ACD: variants seen among roughly 807,000 people sequenced by gnomAD.
The protein encoded by ACD is adrenocortical dysplasia protein homolog.
ACD carries 39 observed loss-of-function variants against 53.9 expected under a neutral mutation model. The ratio of observed to expected loss-of-function variants is 0.72; its 90% CI spans 0.56 to 0.95. The LOEUF (loss-of-function observed/expected upper bound fraction) is 0.95. Ranked by LOEUF, ACD falls within the 40% of genes least tolerant of loss-of-function variation. ACD has a pLI of 0.00. For missense variants in ACD, 526 were observed against 587.9 expected (o/e 0.89, Z 1.09); for synonymous variants, 273 against 249.2 (o/e 1.10, Z -0.90).
chr16:67,658,843 G>A lies in ACD; in HGVS notation c.646-27C>T, dbSNP rs111965137. 77 of 1,603,254 alleles carry A rather than the reference G, an allele frequency of 4.8e-5. 1 individual carries two copies. In the African/African-American group the frequency reaches 6.5e-4, roughly 14 times the overall value. ...TGTGGGACATGAACTCTGTAGGACA[G>A]GCCCGTTTACTCTCATGTCCTGTGG... On this transcript the variant is annotated intron_variant, in intron 7 of 11. Transcript: ENST00000620761.
At position 67,658,765 on chromosome 16, in the gene ACD, C is replaced by A. The variant is rs1441001313; in HGVS notation, c.697G>T (p.Asp233Tyr). 4 of 1,613,384 alleles carry A rather than the reference C, an allele frequency of 2.5e-6. No individual in the cohort carries two copies. Among genetic ancestry groups the A allele is most frequent in the African/African-American group, 2.7e-5 (2 of 74,910 alleles). Reference sequence around the variant, plus strand: ...CCTAGAGAGCTCAGAATTAGCTGGTCATTCTCAGAGATGCACAGCATTGAG... The same window carrying A: ...CCTAGAGAGCTCAGAATTAGCTGGTAATTCTCAGAGATGCACAGCATTGAG... ...PSSMLCISEN[D>Y]QLILSSLGPC... Residue 233 changes from aspartate (D) to tyrosine (Y), a missense_variant, in exon 8 of 12, where the codon GAC (aspartate) becomes TAC (tyrosine). Coordinates refer to ENST00000620761, the MANE Select transcript of ACD (RefSeq NM_001082486.2).
Position 67,658,677 on chromosome 16 carries a change from C to T in ACD, c.743-36G>A, listed in dbSNP as rs2052928476. ...CAGGAAGTCTTATCAGCACTGTGGA[C>T]CTGGGCCCCAGGTATCCCCCCAACC... is the stretch of plus-strand genomic sequence containing the variant. On this transcript the variant is annotated intron_variant, in intron 8 of 11. Transcript: ENST00000620761. 5.7e-6 allele frequency: 9 copies of T among 1,592,108 alleles called. No individual in the cohort carries two copies. In the East Asian group the frequency reaches 9.0e-5, roughly 16 times the overall value.
At chr16:67,658,534 G>A (rs1331231192) in intron 9 of ACD, 21 bp downstream of exon 9, 8 of 1,569,344 alleles carry the variant, frequency 5.1e-6, no homozygotes, top group Admixed American at 1.8e-5. Flanking sequence ...GTGAGTGCCT[G>A]TGACCTGTGC....
In ACD at chr16:67,658,126, TG is replaced by T. The variant is rs1456853621; in HGVS notation, c.1065del (p.Ser356ValfsTer7). 1 of 1,596,742 alleles carries T rather than the reference TG, an allele frequency of 6.3e-7. No individual in the cohort carries two copies. Among genetic ancestry groups the T allele is most frequent in the Admixed American group, 1.7e-5 (1 of 58,402 alleles). ...CTGGTCACAAGAGCCTGGTGTGGACTGGGGACATGGCTACGGGGTGAGAGAC... is the reference window on the plus strand; with the variant it reads ...CTGGTCACAAGAGCCTGGTGTGGACTGGGACATGGCTACGGGGTGAGAGAC... ...TPSLSPRSHVPSPHQALVTRP... is the reference protein window; with the variant it reads ...TPSLSPRSHVXSPHQALVTRP... On this transcript the variant is annotated frameshift_variant, in exon 10 of 12. Coordinates refer to ENST00000620761, the MANE Select transcript of ACD (RefSeq NM_001082486.2). LOFTEE classifies it high-confidence loss of function.
intron 9 of ACD, 90 bp downstream of exon 9, chr16:67,658,465 C>T: frequency 1.3e-6 from 2 of 1,596,192 alleles, no homozygotes; most frequent in Non-Finnish European, 1.7e-6. Context: ...TCATCCCCCA[C>T]CCACCGTGCA....
chr16:67,660,251 G>C lies in ACD; in HGVS notation c.-31C>G, dbSNP rs775903443. ...CGGCTACACCCAGCGGATGCAACGG[G>C]CCCGGGTTTCCCGCGGGCGCCCAGG... On this transcript the variant is annotated 5_prime_UTR_variant, in exon 1 of 12. Coordinates refer to ENST00000620761, the MANE Select transcript of ACD (RefSeq NM_001082486.2). 2 of 1,612,374 alleles carry C rather than the reference G, an allele frequency of 1.2e-6. No homozygotes were observed. The highest frequency in any genetic ancestry group is 1.3e-5 in the African/African-American group (1 of 74,932).
intron 8 of ACD, 26 bp downstream of exon 8, chr16:67,658,694 C>T (rs1254728209): frequency 1.3e-5 from 20 of 1,597,900 alleles, no homozygotes; most frequent in African/African-American, 2.7e-5. Context: ...CCCAGGTATC[C>T]CCCCAACCTC....
chr16:67,659,015 C>T lies in ACD; in HGVS notation c.558G>A (p.Val186=). ...GTGTCAGGCAGCTTTCAGCCAGGCA[C>T]ACGAGTGCCCCCTGATGCTCCTGGT... ...REDQEHQGAL[V]CLAESCLTLE... is the part of the protein sequence containing the mutation. The change falls in exon 7 of 12, where the codon GTG becomes GTA. Residue 186 remains valine (V), a synonymous_variant. Coordinates refer to ENST00000620761, the MANE Select transcript of ACD (RefSeq NM_001082486.2). 2 of 1,613,934 alleles carry T rather than the reference C, an allele frequency of 1.2e-6. No homozygotes were observed. Among genetic ancestry groups the T allele is most frequent in the Admixed American group, 1.7e-5 (1 of 60,028 alleles).
Position 67,657,929 on chromosome 16 carries a change from A to C in ACD, c.1206+57T>G. 3 of 1,608,974 alleles carry C rather than the reference A, an allele frequency of 1.9e-6. No homozygotes were observed. Among genetic ancestry groups the C allele is most frequent in the Non-Finnish European group, 2.5e-6 (3 of 1,176,866 alleles). ...TCCAAGGCTACCCATGCTCCCTCCC[A>C]GCTCTACCTCAGGCCTTCCTTGTTC... On this transcript the variant is annotated intron_variant, in intron 10 of 11. Coordinates refer to ENST00000620761, the MANE Select transcript of ACD (RefSeq NM_001082486.2). This position sits in a 1 kb window ranked among gnomAD's most constrained non-coding sequence, Gnocchi z 4.5.
chr16:67,659,840 G>A, intron 2 of ACD, 45 bp from the exon 3 acceptor site: 1 of 1,584,356 alleles, frequency 6.3e-7, no homozygotes, highest in Non-Finnish European at 8.6e-7. Flanking sequence ...CTGAACACAA[G>A]GCCCGCCCAC....
chr16:67,658,445 G>C (rs1264711748), intron 9 of ACD, 83 bp from the exon 10 acceptor site: 3 of 1,605,602 alleles, frequency 1.9e-6, no homozygotes, highest in Non-Finnish European at 2.6e-6. Context: ...CAGGACTGCA[G>C]GGACCGTGTT....
At position 67,658,559 on chromosome 16, in the gene ACD, G is replaced by C; in HGVS notation, c.825C>G (p.Ser275=). Residue 275 remains serine, a synonymous_variant, in exon 9 of 12, where the codon TCC becomes TCG. Coordinates refer to ENST00000620761, the MANE Select transcript of ACD (RefSeq NM_001082486.2). ...GTGACCTGTGCATCACCTCACCTGA[G>C]GAACTGGGTGAGGAAGGAGGAGAGG... The part of the protein sequence containing the change: ...LIASPPSSPS[S]SGTPALPGHM... The C allele has an allele frequency of 6.4e-7, 1 of 1,565,698 alleles. No homozygotes were observed. Among genetic ancestry groups the C allele is most frequent in the Non-Finnish European group, 8.7e-7 (1 of 1,153,976 alleles).
In ACD at chr16:67,657,539, T is replaced by G. The variant is rs1369611250; in HGVS notation, c.*67A>C. On this transcript the variant is annotated 3_prime_UTR_variant, in exon 12 of 12. Coordinates refer to ENST00000620761, the MANE Select transcript of ACD (RefSeq NM_001082486.2). This position sits in a 1 kb window ranked among gnomAD's most constrained non-coding sequence, Gnocchi z 4.5. ...CCTGATCCTCTCCTCTCCTGCCGCATGAGATTATTTTATTAAAAAACTCAA... is the reference window on the plus strand; with the variant it reads ...CCTGATCCTCTCCTCTCCTGCCGCAGGAGATTATTTTATTAAAAAACTCAA... 3 of 1,613,672 alleles carry G rather than the reference T, an allele frequency of 1.9e-6. No individual in the cohort carries two copies. Among genetic ancestry groups the G allele is most frequent in the Non-Finnish European group, 2.5e-6 (3 of 1,179,742 alleles).
chr16:67,659,664 A>C, intron 3 of ACD, 38 bp downstream of exon 3: 1 of 1,612,936 alleles, frequency 6.2e-7, no homozygotes, highest in African/African-American at 1.3e-5. Context: ...ACGAAGAGTC[A>C]TGCCCGGTAA....
rs776746215 is a variant in ACD, at chr16:67,659,520, G to A, written c.413+17C>T. Reference sequence around the variant, plus strand: ...CTGGGGTGGGGAGAGCTGCTGGAGGGCGGAGGCATCACTTACCAACCAGGC... The same window carrying A: ...CTGGGGTGGGGAGAGCTGCTGGAGGACGGAGGCATCACTTACCAACCAGGC... On this transcript the variant is annotated intron_variant, in intron 4 of 11. Coordinates refer to ENST00000620761, the MANE Select transcript of ACD (RefSeq NM_001082486.2). 1.1e-5 allele frequency: 17 copies of A among 1,613,174 alleles called. No homozygotes were observed. In the South Asian group the frequency reaches 1.1e-4, roughly 10 times the overall value.
rs1020115914 is a variant in ACD, at chr16:67,658,563, C to T, written c.821G>A (p.Ser274Asn). 3.8e-6 allele frequency: 6 copies of T among 1,566,058 alleles called. No individual in the cohort carries two copies. The highest frequency in any genetic ancestry group is 5.2e-6 in the Non-Finnish European group (6 of 1,154,252). Reference sequence around the variant, plus strand: ...CCTGTGCATCACCTCACCTGAGGAACTGGGTGAGGAAGGAGGAGAGGCTAT... The same window carrying T: ...CCTGTGCATCACCTCACCTGAGGAATTGGGTGAGGAAGGAGGAGAGGCTAT... ...TLIASPPSSP[S>N]SSGTPALPGH... is the part of the protein sequence containing the mutation. Residue 274 changes from serine to asparagine, a missense_variant, in exon 9 of 12, where the codon AGT (serine) becomes AAT (asparagine). Physicochemically the swap from Ser to Asn is conservative, Grantham distance 46. Transcript: ENST00000620761.
chr16:67,659,326 A>T, intron 5 of ACD, 49 bp downstream of exon 5: 1 of 1,614,062 alleles, frequency 6.2e-7, no homozygotes, highest in Non-Finnish European at 8.5e-7. Flanking sequence ...TAGATACACC[A>T]TCCCCTCACC....
At position 67,658,547 on chromosome 16, in the gene ACD, C is replaced by T. The variant is rs2052923533; in HGVS notation, c.829+8G>A. On this transcript the variant is annotated splice_region_variant and intron_variant, in intron 9 of 11. Transcript: ENST00000620761. Reference sequence around the variant, plus strand: ...CAGTGAGTGCCTGTGACCTGTGCATCACCTCACCTGAGGAACTGGGTGAGG... The same window carrying T: ...CAGTGAGTGCCTGTGACCTGTGCATTACCTCACCTGAGGAACTGGGTGAGG... 6.4e-7 allele frequency: 1 copy of T among 1,567,088 alleles called. No individual in the cohort carries two copies.
At position 67,658,073 on chromosome 16, in the gene ACD, C is replaced by T. The variant is rs760234154; in HGVS notation, c.1119G>A (p.Lys373=). 10 of 1,563,118 alleles carry T rather than the reference C, an allele frequency of 6.4e-6. No individual in the cohort carries two copies. The Admixed American group carries it at 9.5e-5, about 15-fold the overall frequency. The change falls in exon 10 of 12, where the codon AAG becomes AAA. Residue 373 remains lysine (K), a synonymous_variant. Coordinates refer to ENST00000620761, the MANE Select transcript of ACD (RefSeq NM_001082486.2). The part of the protein sequence containing the change: ...TRPQKPSLEF[K]EFVGLPCKNR... ...TCTTGCAGGGCAACCCTACAAACTCCTTGAACTCCAGGCTAGGTTTCTGGG... is the reference window on the plus strand; with the variant it reads ...TCTTGCAGGGCAACCCTACAAACTCTTTGAACTCCAGGCTAGGTTTCTGGG...
Sources: allele counts gnomAD v4.1 joint callset, GRCh38; gene constraint gnomAD v4.1.1; non-coding constraint Gnocchi (gnomAD v3.1); transcripts MANE v1.5; gene names NCBI Gene and HGNC (gene_info 2026-07-23, HGNC 2026-07-21).